Variants in CDH9 observed in about 807,000 individuals in gnomAD.
The protein encoded by CDH9 is cadherin 9.
CDH9 carries 28 observed loss-of-function variants against 70.9 expected under a neutral mutation model. The ratio of observed to expected loss-of-function variants is 0.40; its 90% CI spans 0.29 to 0.54. The LOEUF (loss-of-function observed/expected upper bound fraction) is 0.54, where lower values mean the gene tolerates loss of function less well. CDH9 is among the 20% of genes least tolerant of loss of function. The pLI is 0.59. For missense variants in CDH9, 874 were observed against 984.4 expected (o/e 0.89, Z 1.50); for synonymous variants, 409 against 343.1 (o/e 1.19, Z -2.12).
intron 2 of CDH9, among the ~76,000 whole-genome samples, chr5:26,955,059 T>A (rs548965243): frequency 6.6e-6 from 1 of 152,288 alleles, no homozygotes; most frequent in Admixed American, 6.5e-5. Flanking sequence ...TAAAAAATTT[T>A]TCATAGATTG....
chr5:26,893,679 ATATTTTATTT>A (rs148742974), intron 7 of CDH9, among the ~76,000 whole-genome samples: 1 of 148,172 alleles, frequency 6.7e-6, no homozygotes, highest in Admixed American at 7.0e-5. Context: ...GCATATATAT[ATATTTTATTT>A]TATTTTATTT....
At chr5:26,957,105 A>G (rs1038500429) in intron 2 of CDH9, among the ~76,000 whole-genome samples, 3 of 151,090 alleles carry the variant, frequency 2.0e-5, no homozygotes, top group African/African-American at 7.3e-5. Context: ...TTAATAGAAT[A>G]TTATGATAGA....
intron 1 of CDH9, among the ~76,000 whole-genome samples, chr5:27,030,163 C>T (rs1470619384): frequency 6.6e-6 from 1 of 151,916 alleles, no homozygotes; most frequent in African/African-American, 2.4e-5. Flanking sequence ...AGTACTTCTC[C>T]TCGTTCTACT....
chr5:26,962,127 T>A (rs1742047198), intron 2 of CDH9, among the ~76,000 whole-genome samples: 1 of 152,136 alleles, frequency 6.6e-6, no homozygotes, highest in Non-Finnish European at 1.5e-5. Flanking sequence ...GTTTCCAGCA[T>A]CATCTATGTC....
intron 3 of CDH9, among the ~76,000 whole-genome samples, chr5:26,907,486 A>T: frequency 6.6e-6 from 1 of 152,050 alleles, no homozygotes; most frequent in East Asian, 1.9e-4. Flanking sequence ...ACATTTGTAA[A>T]TCATTATTCT....
chr5:26,975,401 G>T (rs1742289249), intron 2 of CDH9, among the ~76,000 whole-genome samples: 1 of 152,156 alleles, frequency 6.6e-6, no homozygotes, highest in African/African-American at 2.4e-5. Context: ...ATAAGAGAAT[G>T]AGTCATACCA....
intron 2 of CDH9, among the ~76,000 whole-genome samples, chr5:26,959,236 C>T (rs1391497573): frequency 6.6e-6 from 1 of 151,830 alleles, no homozygotes; most frequent in African/African-American, 2.4e-5. Context: ...ATACAAATGG[C>T]CAACAAACAT....
chr5:27,014,550 C>T (rs11956785), intron 1 of CDH9, among the ~76,000 whole-genome samples: 1 of 151,810 alleles, frequency 6.6e-6, no homozygotes, highest in African/African-American at 2.4e-5. Context: ...AGATAATTAT[C>T]GCAGGTGTTT....
intron 2 of CDH9, among the ~76,000 whole-genome samples, chr5:26,924,518 AAT>A (rs1261761764): frequency 6.7e-6 from 1 of 149,308 alleles, no homozygotes; most frequent in African/African-American, 2.5e-5. Flanking sequence ...TAGAGGAGGA[AAT>A]ATATATATAT....
chr5:26,885,518 TA>T, intron 11 of CDH9, 95 bp downstream of exon 11: 1 of 1,017,186 alleles, frequency 9.8e-7, no homozygotes, highest in Admixed American at 2.3e-5. Flanking sequence ...GTTCTATCTT[TA>T]TCTATAGAGA....
chr5:26,947,706 T>TACGA (rs1741777881), intron 2 of CDH9, among the ~76,000 whole-genome samples: 1 of 152,120 alleles, frequency 6.6e-6, no homozygotes, highest in Admixed American at 6.6e-5. Context: ...AATGCTGTTT[T>TACGA]AGAGAGCATG....
chr5:26,892,079 T>C (rs922855505), intron 7 of CDH9, among the ~76,000 whole-genome samples: 1 of 152,340 alleles, frequency 6.6e-6, no homozygotes, highest in Admixed American at 6.5e-5. Context: ...AGTTCAGACC[T>C]ATCTATAAGA....
chr5:27,023,464 A>G (rs1245660514), intron 1 of CDH9, among the ~76,000 whole-genome samples: 1 of 152,116 alleles, frequency 6.6e-6, no homozygotes, highest in African/African-American at 2.4e-5. Flanking sequence ...AAACAAAAAT[A>G]ATTTTGTAAA....
chr5:27,000,066 T>C (rs1468636038), intron 1 of CDH9, among the ~76,000 whole-genome samples: 7 of 152,132 alleles, frequency 4.6e-5, no homozygotes, highest in Non-Finnish European at 8.8e-5. Flanking sequence ...CTTATTTTTT[T>C]GTGTAAAACA....
chr5:26,895,030 C>G (rs1489421136), intron 7 of CDH9, among the ~76,000 whole-genome samples: 1 of 151,998 alleles, frequency 6.6e-6, no homozygotes, highest in Non-Finnish European at 1.5e-5. Context: ...TTACCTAGCA[C>G]AAATAATCTA....
At chr5:26,966,409 T>C (rs1046535327) in intron 2 of CDH9, among the ~76,000 whole-genome samples, 10 of 152,216 alleles carry the variant, frequency 6.6e-5, no homozygotes, top group African/African-American at 1.9e-4. Context: ...TCAATCTAAA[T>C]TGCAACCGTT....
chr5:26,890,114 A>T (rs1740631320), intron 8 of CDH9, among the ~76,000 whole-genome samples, 157 bp from the exon 9 acceptor site: 1 of 152,216 alleles, frequency 6.6e-6, no homozygotes, highest in South Asian at 2.1e-4. Flanking sequence ...GGTCCAAAAG[A>T]AAAGCACAAT....
At chr5:27,009,833 T>C (rs1413414946) in intron 1 of CDH9, among the ~76,000 whole-genome samples, 1 of 152,130 alleles carries the variant, frequency 6.6e-6, no homozygotes, top group Non-Finnish European at 1.5e-5. Context: ...AGAAATAGCA[T>C]CTTTTTAAGC....
At chr5:26,934,509 G>A (rs1453477202) in intron 2 of CDH9, among the ~76,000 whole-genome samples, 2 of 152,060 alleles carry the variant, frequency 1.3e-5, no homozygotes, top group East Asian at 3.9e-4. Flanking sequence ...TGGGAGAATA[G>A]CACCAAGTCA....
Sources: allele counts gnomAD v4.1 joint callset (sites outside exome capture counted in the v4.1 genomes callset), GRCh38; gene constraint gnomAD v4.1.1; transcripts MANE v1.5; gene names NCBI Gene and HGNC (gene_info 2026-07-23, HGNC 2026-07-21).